Variants in CLUAP1 observed in about 807,000 individuals in gnomAD.
CLUAP1 encodes the protein clusterin-associated protein 1.
Under a neutral mutation model 55.0 loss-of-function variants are expected in CLUAP1, and 50 were observed. That is an observed-to-expected ratio of 0.91 (90% CI 0.72 to 1.15). The LOEUF (loss-of-function observed/expected upper bound fraction) is 1.15. Among genes scored for constraint, CLUAP1 ranks in the 50% most tolerant of loss-of-function variants. The pLI, the probability that CLUAP1 is intolerant of heterozygous loss-of-function variation, is 0.00. For missense variants in CLUAP1, 530 were observed against 507.6 expected (o/e 1.04, Z -0.42); for synonymous variants, 195 against 175.4 (o/e 1.11, Z -0.88).
intron 1 of CLUAP1, among the ~76,000 whole-genome samples, chr16:3,504,409 T>A (rs550277284): frequency 6.6e-6 from 1 of 152,328 alleles, no homozygotes; most frequent in East Asian, 1.9e-4. Context: ...AGGACGGGTG[T>A]TTCTTCCTTT....
At chr16:3,529,571 T>TATATTATTATATATTATATATTATATA (rs1567439566) in intron 9 of CLUAP1, among the ~76,000 whole-genome samples, 3 of 49,274 alleles carry the variant, frequency 6.1e-5, no homozygotes, top group African/African-American at 2.8e-4. Context: ...TTATATATTA[T>TATATTATTATATATTATATATTATATA]ATATTATATA....
In CLUAP1 at chr16:3,523,397, C is replaced by T; in HGVS notation, c.855+98C>T. 4.4e-6 allele frequency: 6 copies of T among 1,370,126 alleles called. No homozygotes were observed. The East Asian group carries it at 7.2e-5, about 16-fold the overall frequency. 84.9% of individuals were successfully genotyped at this position (1,370,126 alleles called of 1,614,324 possible). A position where few individuals can be genotyped will look rare whatever the true frequency, so the allele number is the denominator to read the frequency against. On this transcript the variant is annotated intron_variant, in intron 8 of 11. Coordinates refer to ENST00000576634, the MANE Select transcript of CLUAP1 (RefSeq NM_015041.3). ...GTTAATATCATTGTGAAAAAAATAT[C>T]AGTACATGTTTTTTCTCCCTGGTCA...
Position 3,523,259 on chromosome 16 carries a change from A to AGCTTGAAGACCATCATAG in CLUAP1, c.817_834dup (p.Leu273_Arg278dup), listed in dbSNP as rs1567434874. 6.2e-7 allele frequency: 1 copy of AGCTTGAAGACCATCATAG among 1,613,854 alleles called. No homozygotes were observed. Among genetic ancestry groups the AGCTTGAAGACCATCATAG allele is most frequent in the South Asian group, 1.1e-5 (1 of 90,992 alleles). On this transcript the variant is annotated inframe_insertion, in exon 8 of 12. Coordinates refer to ENST00000576634, the MANE Select transcript of CLUAP1 (RefSeq NM_015041.3). ...CAAAATCTGACTTATCTGGAACAAC[A>AGCTTGAAGACCATCATAG]GCTTGAAGACCATCATAGGATGGAG...
Position 3,536,495 on chromosome 16 carries a change from A to G in CLUAP1, c.*224A>G. The G allele has an allele frequency of 2.1e-6, 1 of 465,246 alleles. No individual in the cohort carries two copies. The highest frequency in any genetic ancestry group is 3.8e-6 in the Non-Finnish European group (1 of 265,560). The allele number at this position is 465,246 out of a possible 1,614,324, so 28.8% of individuals were successfully genotyped here. A position where few individuals can be genotyped will look rare whatever the true frequency, so the allele number is the denominator to read the frequency against. ...AGATTTATTTTTTTCCACCTTATTT[A>G]TCTTCTAAAACTTGAGGAATGCATG... On this transcript the variant is annotated 3_prime_UTR_variant, in exon 12 of 12. Coordinates refer to ENST00000576634, the MANE Select transcript of CLUAP1 (RefSeq NM_015041.3).
chr16:3,533,280 C>T (rs2038165475), intron 11 of CLUAP1: 3 of 746,548 alleles, frequency 4.0e-6, no homozygotes, highest in South Asian at 3.2e-5. Context: ...CAAAAGAGAT[C>T]CTGTGGTGAC....
chr16:3,505,478 C>T (rs1382503591), intron 2 of CLUAP1, among the ~76,000 whole-genome samples: 13 of 147,794 alleles, frequency 8.8e-5, no homozygotes, highest in African/African-American at 3.0e-4. Context: ...TGCAGTGAGC[C>T]GAAGTGTGCA....
chr16:3,537,922 C>T lies in CLUAP1; in HGVS notation c.*1651C>T, dbSNP rs2038264627. 1 of 143,230 alleles carries T rather than the reference C, an allele frequency of 7.0e-6. No individual in the cohort carries two copies. 8.9% of individuals were successfully genotyped at this position (143,230 alleles called of 1,614,324 possible). ...GCTGAGGCAGGAGAATCGCTTGAAC[C>T]TAGGAGGCGGAGGTTGCAGTGAGCC... On this transcript the variant is annotated 3_prime_UTR_variant, in exon 12 of 12. Transcript: ENST00000576634.
At chr16:3,526,596 T>C (rs2037949012) in intron 9 of CLUAP1, 112 bp downstream of exon 9, 1 of 544,954 alleles carries the variant, frequency 1.8e-6, no homozygotes, top group Non-Finnish European at 2.6e-6. Context: ...CTTCTTTTTT[T>C]CAGCAGTTTT....
intron 8 of CLUAP1, 152 bp from the exon 9 acceptor site, chr16:3,526,260 C>A: frequency 2.7e-6 from 1 of 370,164 alleles, no homozygotes; most frequent in South Asian, 8.2e-5. Flanking sequence ...CCTGGAGTTG[C>A]TCAGGCAGTG....
chr16:3,506,268 A>G, intron 2 of CLUAP1, 63 bp from the exon 3 acceptor site: 1 of 1,351,710 alleles, frequency 7.4e-7, no homozygotes, highest in South Asian at 1.2e-5. Context: ...AGTTGCCCAC[A>G]TTCTCTTTAG....
intron 1 of CLUAP1, among the ~76,000 whole-genome samples, chr16:3,503,797 A>T (rs1185706911): frequency 6.6e-6 from 1 of 152,152 alleles, no homozygotes; most frequent in Non-Finnish European, 1.5e-5. Flanking sequence ...CCCAGAAAAC[A>T]GTTACAGAGT....
intron 3 of CLUAP1, among the ~76,000 whole-genome samples, chr16:3,507,415 A>T (rs1408304878): frequency 6.6e-6 from 1 of 151,248 alleles, no homozygotes; most frequent in Admixed American, 6.6e-5. Flanking sequence ...AAAAAATTAG[A>T]TGGGCCTGGT....
chr16:3,505,160 T>C (rs756349580), intron 2 of CLUAP1, among the ~76,000 whole-genome samples: 17 of 149,802 alleles, frequency 1.1e-4, no homozygotes, highest in Non-Finnish European at 2.2e-4. Flanking sequence ...GATCACTTGA[T>C]CCCAGGAGTT....
Position 3,526,421 on chromosome 16 carries a change from AAC to A in CLUAP1, c.868_869del (p.Thr290SerfsTer21), listed in dbSNP as rs767006214. 3.7e-6 allele frequency: 6 copies of A among 1,604,816 alleles called. No individual in the cohort carries two copies. In the African/African-American group the frequency reaches 5.4e-5, roughly 14 times the overall value. ...ATTTCCTCTTCCACAGGAAGCTAAA[AAC>A]ACTCTCTGCCTGATACAGAACAAGC... ...MEQERFEEAKNTLCLIQNKLK... is the reference protein window; with the variant it reads ...MEQERFEEAKXTLCLIQNKLK... On this transcript the variant is annotated frameshift_variant, in exon 9 of 12. Transcript: ENST00000576634. LOFTEE classifies it high-confidence loss of function.
intron 9 of CLUAP1, among the ~76,000 whole-genome samples, chr16:3,529,441 ATATTATATAT>A (rs1445646631): frequency 1.3e-4 from 9 of 68,278 alleles, no homozygotes; most frequent in Non-Finnish European, 2.1e-4. Flanking sequence ...AATATATATT[ATATTATATAT>A]TATTATATAT....
intron 4 of CLUAP1, among the ~76,000 whole-genome samples, chr16:3,508,755 CTG>C: frequency 6.6e-6 from 1 of 152,156 alleles, no homozygotes; most frequent in Middle Eastern, 3.2e-3. Context: ...GGGAGTCAGA[CTG>C]TGAACAATAA....
chr16:3,515,270 T>C, intron 5 of CLUAP1: 1 of 352,536 alleles, frequency 2.8e-6, no homozygotes, highest in Non-Finnish European at 5.0e-6. Flanking sequence ...GCTCATAGAG[T>C]TGGGGTCACC....
At chr16:3,536,065 C>A (rs536465521) in intron 11 of CLUAP1, 57 bp from the exon 12 acceptor site, 2 of 1,591,244 alleles carry the variant, frequency 1.3e-6, no homozygotes, top group East Asian at 2.2e-5. Flanking sequence ...AGTCTTAGGA[C>A]AAGATGTCAG....
chr16:3,531,796 G>A (rs2038124848), intron 10 of CLUAP1, among the ~76,000 whole-genome samples: 1 of 151,454 alleles, frequency 6.6e-6, no homozygotes. Context: ...TAAAAATTAA[G>A]TACAATTGGA....
Sources: allele counts gnomAD v4.1 joint callset (sites outside exome capture counted in the v4.1 genomes callset), GRCh38; gene constraint gnomAD v4.1.1; transcripts MANE v1.5; gene names NCBI Gene and HGNC (gene_info 2026-07-23, HGNC 2026-07-21).